The following CTNNA2 variants were observed in gnomAD, a reference collection of about 807,000 sequenced individuals.
CTNNA2 encodes catenin alpha-2.
Under a neutral mutation model 101.0 loss-of-function variants are expected in CTNNA2, and 42 were observed. That is an observed-to-expected ratio of 0.42 (90% CI 0.32 to 0.54). The LOEUF (loss-of-function observed/expected upper bound fraction) is 0.54. CTNNA2 is among the 20% of genes least tolerant of loss of function. The pLI is 0.14. For synonymous variants in CTNNA2, 450 were observed against 456.4 expected (o/e 0.99, Z 0.18); for missense variants, 871 against 1,223.1 (o/e 0.71, Z 4.29).
intron 7 of CTNNA2, among the ~76,000 whole-genome samples, chr2:80,204,374 T>C (rs1012326753): frequency 6.6e-6 from 1 of 152,210 alleles, no homozygotes; most frequent in African/African-American, 2.4e-5. Context: ...CCAAGTCACT[T>C]CTTGAATGCT....
At chr2:79,888,850 T>C (rs1374184268) in intron 6 of CTNNA2, among the ~76,000 whole-genome samples, 2 of 152,218 alleles carry the variant, frequency 1.3e-5, no homozygotes, top group African/African-American at 4.8e-5. Context: ...TTCAAAATTG[T>C]CTAACATGTG....
At chr2:80,588,249 T>C (rs1255891575) in intron 14 of CTNNA2, among the ~76,000 whole-genome samples, 3 of 152,216 alleles carry the variant, frequency 2.0e-5, no homozygotes, top group East Asian at 1.9e-4. Flanking sequence ...TCGGGGACAC[T>C]AGACGCACTT....
intron 4 of CTNNA2, among the ~76,000 whole-genome samples, chr2:79,394,347 T>G (rs1351067452): frequency 6.6e-6 from 1 of 152,204 alleles, no homozygotes; most frequent in Non-Finnish European, 1.5e-5. Flanking sequence ...TGTGAACTTT[T>G]GTGGACTAGA....
chr2:80,099,027 C>G (rs556789554), intron 7 of CTNNA2, among the ~76,000 whole-genome samples: 16 of 151,848 alleles, frequency 1.1e-4, no homozygotes, highest in African/African-American at 3.6e-4. Flanking sequence ...ACCCACTGTC[C>G]GGCACTCCCC....
chr2:79,717,712 G>A (rs1429379963), intron 2 of CTNNA2, among the ~76,000 whole-genome samples: 3 of 152,152 alleles, frequency 2.0e-5, no homozygotes, highest in African/African-American at 7.2e-5. Context: ...CAGAAAGTGA[G>A]GGGCAGAAAA....
At chr2:80,347,776 A>G (rs1672883800) in intron 7 of CTNNA2, among the ~76,000 whole-genome samples, 1 of 151,366 alleles carries the variant, frequency 6.6e-6, no homozygotes, top group Non-Finnish European at 1.5e-5. Flanking sequence ...ACACCTCAGG[A>G]TCTTTATTTT....
chr2:80,316,959 C>T (rs773690952), intron 7 of CTNNA2, among the ~76,000 whole-genome samples: 2 of 152,050 alleles, frequency 1.3e-5, no homozygotes. Flanking sequence ...AGGGACTGGA[C>T]CTGCTTTATC....
At chr2:80,526,351 C>T (rs1425932360) in intron 9 of CTNNA2, among the ~76,000 whole-genome samples, 1 of 152,208 alleles carries the variant, frequency 6.6e-6, no homozygotes, top group African/African-American at 2.4e-5. Context: ...AGGCGTGCAT[C>T]ACCACATCTG....
At chr2:79,420,968 A>G (rs1222805007) in intron 4 of CTNNA2, among the ~76,000 whole-genome samples, 1 of 152,168 alleles carries the variant, frequency 6.6e-6, no homozygotes, top group Non-Finnish European at 1.5e-5. Flanking sequence ...ATTTTACATA[A>G]AGATGAATAT....
intron 3 of CTNNA2, among the ~76,000 whole-genome samples, chr2:79,316,752 GT>G (rs1430691348): frequency 6.6e-6 from 1 of 151,250 alleles, no homozygotes; most frequent in Non-Finnish European, 1.5e-5. Flanking sequence ...ACTGATATTT[GT>G]ATATCCTGTA....
chr2:80,633,531 T>C (rs1672512585), intron 18 of CTNNA2, among the ~76,000 whole-genome samples: 2 of 152,148 alleles, frequency 1.3e-5, no homozygotes, highest in African/African-American at 2.4e-5. Flanking sequence ...ATAAGGCATG[T>C]TTCCCTCCAC....
intron 7 of CTNNA2, among the ~76,000 whole-genome samples, chr2:79,969,767 G>A (rs1210339379): frequency 2.1e-5 from 3 of 141,422 alleles, no homozygotes. Flanking sequence ...TTGAAATAAA[G>A]CATTTATCTC....
intron 9 of CTNNA2, among the ~76,000 whole-genome samples, chr2:80,456,153 G>A (rs559677421): frequency 6.6e-6 from 1 of 152,292 alleles, no homozygotes; most frequent in East Asian, 1.9e-4. Flanking sequence ...TTCAGTTACT[G>A]GTCTCTATTA....
Position 79,445,490 on chromosome 2 carries a change from A to T in CTNNA2, c.-134-59564A>T, listed in dbSNP as rs1337942664. ...TTTGGTGGAAATTAAATAATAGCTT[A>T]AAGCCTTTTGAAAGGGTGAAGTGAT... On this transcript the variant is annotated intron_variant, in intron 4 of 21. Transcript: ENST00000466387. Among the ~76,000 whole-genome samples the T allele has an allele frequency of 2.0e-5, 3 of 152,202 alleles. No homozygotes were observed. The East Asian group carries it at 5.8e-4, about 29-fold the overall frequency.
intron 7 of CTNNA2, among the ~76,000 whole-genome samples, chr2:80,206,854 T>C (rs1308674633): frequency 6.6e-6 from 1 of 152,238 alleles, no homozygotes; most frequent in Non-Finnish European, 1.5e-5. Flanking sequence ...GCTCATTCTT[T>C]CATGGCCATC....
chr2:79,806,276 G>A (rs936187371), intron 3 of CTNNA2, among the ~76,000 whole-genome samples: 2 of 152,018 alleles, frequency 1.3e-5, no homozygotes. Context: ...CTAAGAGTAC[G>A]TGAAGGGAGC....
At chr2:79,596,115 C>G (rs1054751031) in intron 1 of CTNNA2, among the ~76,000 whole-genome samples, 1 of 151,904 alleles carries the variant, frequency 6.6e-6, no homozygotes, top group Non-Finnish European at 1.5e-5. Context: ...CTCTAATTTT[C>G]AAAGTGTTTT....
intron 7 of CTNNA2, among the ~76,000 whole-genome samples, chr2:79,962,073 A>G (rs1174952461): frequency 1.3e-5 from 2 of 152,240 alleles, no homozygotes; most frequent in African/African-American, 4.8e-5. Context: ...GGCAACCTGA[A>G]GCCACTGAGG....
chr2:79,358,892 G>A (rs540380912), intron 3 of CTNNA2, among the ~76,000 whole-genome samples: 1 of 152,210 alleles, frequency 6.6e-6, no homozygotes, highest in Admixed American at 6.5e-5. Context: ...GAAGTAGCAT[G>A]GTTTGTGTTG....
Sources: gnomAD v4.1 joint callset for allele counts (sites outside exome capture counted in the v4.1 genomes callset) on GRCh38, gnomAD v4.1.1 for gene constraint, MANE v1.5 for transcripts, NCBI Gene and HGNC (gene_info 2026-07-23, HGNC 2026-07-21) for gene names.